The following PDZD2 variants were observed in gnomAD, a reference collection of about 807,000 sequenced individuals.
PDZD2 encodes PDZ domain containing 2.
Under a neutral mutation model 220.7 loss-of-function variants are expected in PDZD2, and 90 were observed. The ratio of observed to expected loss-of-function variants is 0.41; its 90% CI spans 0.34 to 0.49. PDZD2 has a LOEUF of 0.49. PDZD2 is among the 20% of genes least tolerant of loss of function. The pLI, the probability that PDZD2 is intolerant of heterozygous loss-of-function variation, is 0.28. For synonymous variants in PDZD2, 1,375 were observed against 1,450.5 expected, an observed-to-expected ratio of 0.95 and a Z score of 1.18; for missense variants, 3,174 against 3,608.5, an observed-to-expected ratio of 0.88 and a Z score of 3.08.
chr5:31,752,744 T>C (rs1751083128), intron 1 of PDZD2, among the ~76,000 whole-genome samples: 1 of 152,178 alleles, frequency 6.6e-6, no homozygotes. Flanking sequence ...TTTTCTTATT[T>C]ACTTGTCAAG....
At chr5:31,665,931 G>A (rs1383699947) in intron 1 of PDZD2, among the ~76,000 whole-genome samples, 3 of 152,128 alleles carry the variant, frequency 2.0e-5, no homozygotes, top group Non-Finnish European at 4.4e-5. Flanking sequence ...AAGGTGATAG[G>A]GAAGTGAGGA....
intron 2 of PDZD2, among the ~76,000 whole-genome samples, chr5:31,880,378 G>A (rs1352868698): frequency 2.0e-5 from 3 of 152,176 alleles, no homozygotes; most frequent in African/African-American, 7.2e-5. Context: ...TCCATGCCAC[G>A]TGGATTGCCC....
chr5:31,927,159 A>C (rs1052566898), intron 2 of PDZD2, among the ~76,000 whole-genome samples: 31 of 152,206 alleles, frequency 2.0e-4, no homozygotes, highest in African/African-American at 7.2e-4. Context: ...ATACCTCAGC[A>C]TCATACAATA....
At chr5:32,079,280 C>CAAAA (rs1321874066) in intron 19 of PDZD2, among the ~76,000 whole-genome samples, 2 of 121,388 alleles carry the variant, frequency 1.6e-5, no homozygotes, top group Admixed American at 8.1e-5. Flanking sequence ...AAAAAAAAAA[C>CAAAA]AAAAAAAAAA....
chr5:32,079,034 C>G (rs1430453861), intron 19 of PDZD2, among the ~76,000 whole-genome samples: 3 of 151,108 alleles, frequency 2.0e-5, no homozygotes, highest in Admixed American at 1.3e-4. Flanking sequence ...CAAGGGGGGG[C>G]CGATCACTTG....
intron 1 of PDZD2, among the ~76,000 whole-genome samples, chr5:31,708,891 T>G (rs1043658383): frequency 5.3e-5 from 8 of 151,534 alleles, no homozygotes; most frequent in Admixed American, 1.3e-4. Flanking sequence ...GTTTTTTTTT[T>G]TTTTTTAATT....
intron 2 of PDZD2, among the ~76,000 whole-genome samples, chr5:31,881,101 A>C (rs1739859489): frequency 6.6e-6 from 1 of 151,864 alleles, no homozygotes; most frequent in Non-Finnish European, 1.5e-5. Context: ...CGCCTGGCTG[A>C]AAGGTAGCTT....
intron 2 of PDZD2, among the ~76,000 whole-genome samples, chr5:31,830,402 T>G (rs1038733664): frequency 6.6e-6 from 1 of 151,334 alleles, no homozygotes; most frequent in Non-Finnish European, 1.5e-5. Flanking sequence ...GGTCTTGATC[T>G]CCTGACCTCG....
chr5:31,935,814 C>A (rs1323738057), intron 2 of PDZD2, among the ~76,000 whole-genome samples: 1 of 152,172 alleles, frequency 6.6e-6, no homozygotes, highest in Non-Finnish European at 1.5e-5. Flanking sequence ...CTTCAGTCCT[C>A]CTCCCTGGCA....
In PDZD2 at chr5:31,983,522, G is replaced by A; in HGVS notation, c.844G>A (p.Glu282Lys). ...CAAGGAGGTGGCTGGACCCCATCTA[G>A]AGAGGTCAGAAGTGGACAGAGGGAC... ...SLKEVAGPHL[E>K]RSEVDRGTEH... Residue 282 changes from glutamate to lysine, a missense_variant, in exon 3 of 25, where the codon GAG (glutamate) becomes AAG (lysine). Physicochemically the swap from Glu to Lys is moderately conservative, Grantham distance 56. Around this residue, in one of 4 missense-constraint regions of PDZD2, gnomAD observed 632 missense variants for 708.1 expected, o/e 0.89. Transcript: ENST00000438447. 1 of 1,614,208 alleles carries A rather than the reference G, an allele frequency of 6.2e-7. No individual in the cohort carries two copies. The highest frequency in any genetic ancestry group is 1.3e-5 in the African/African-American group (1 of 75,050).
intron 2 of PDZD2, among the ~76,000 whole-genome samples, chr5:31,904,568 C>T (rs956302610): frequency 6.6e-6 from 1 of 152,162 alleles, no homozygotes; most frequent in Non-Finnish European, 1.5e-5. Context: ...CGCTCTGTCG[C>T]GCAGGCTGGA....
In PDZD2 at chr5:32,000,826, A is replaced by G. The variant is rs1421196597; in HGVS notation, c.1254+555A>G. Among the ~76,000 whole-genome samples the G allele has an allele frequency of 6.6e-6, 1 of 152,068 alleles. No homozygotes were observed. The highest frequency in any genetic ancestry group is 1.5e-5 in the Non-Finnish European group (1 of 68,002). On this transcript the variant is annotated intron_variant, in intron 5 of 24. Transcript: ENST00000438447. This position sits in a 1 kb window ranked among gnomAD's most constrained non-coding sequence, Gnocchi z 4.5. The stretch of plus-strand genomic sequence containing the variant: ...TGCCTGGCCCTTTAAGAGTTTTTAT[A>G]GGTATATGTTAGGGCAGGTGTCCCC...
intron 2 of PDZD2, among the ~76,000 whole-genome samples, chr5:31,967,128 C>T (rs1748832177): frequency 6.6e-6 from 1 of 152,204 alleles, no homozygotes; most frequent in African/African-American, 2.4e-5. Flanking sequence ...TGGAAGCAGG[C>T]TCTGGCCCAG....
rs531266409 is a variant in PDZD2, at chr5:31,687,173, C to T, written c.-361+47736C>T. 3.3e-5 allele frequency among the ~76,000 whole-genome samples: 5 copies of T among 152,270 alleles called. No individual in the cohort carries two copies. In the East Asian group the frequency reaches 9.6e-4, roughly 29 times the overall value. ...TTTCAGAGTATGGGAGTGTTCATACCAAAGTCAGGTTAATCAGTAAAGGCT... is the reference window on the plus strand; with the variant it reads ...TTTCAGAGTATGGGAGTGTTCATACTAAAGTCAGGTTAATCAGTAAAGGCT... On this transcript the variant is annotated intron_variant, in intron 1 of 24. Coordinates refer to ENST00000438447, the MANE Select transcript of PDZD2 (RefSeq NM_178140.4).
At chr5:31,848,438 G>C (rs1757714851) in intron 2 of PDZD2, among the ~76,000 whole-genome samples, 1 of 152,362 alleles carries the variant, frequency 6.6e-6, no homozygotes, top group African/African-American at 2.4e-5. Context: ...AGATAGCAAT[G>C]CACCCTCCCT....
chr5:31,764,951 C>T (rs184174215), intron 1 of PDZD2, among the ~76,000 whole-genome samples: 18 of 152,230 alleles, frequency 1.2e-4, no homozygotes, highest in African/African-American at 4.1e-4. Context: ...GTGGTACATG[C>T]TTGTAATCCC....
intron 2 of PDZD2, among the ~76,000 whole-genome samples, chr5:31,979,319 C>T (rs1481066144): frequency 6.6e-6 from 1 of 152,086 alleles, no homozygotes; most frequent in Non-Finnish European, 1.5e-5. Flanking sequence ...CCTGTAATCC[C>T]AGCACTTTGG....
At chr5:31,888,766 T>A (rs1554089815) in intron 2 of PDZD2, among the ~76,000 whole-genome samples, 1 of 152,216 alleles carries the variant, frequency 6.6e-6, no homozygotes, top group Non-Finnish European at 1.5e-5. Flanking sequence ...CTTGACTGAT[T>A]TTAACTGCCT....
Position 32,001,458 on chromosome 5 carries a change from G to A in PDZD2, c.1254+1187G>A, listed in dbSNP as rs537988152. 3.5e-3 allele frequency among the ~76,000 whole-genome samples: 338 copies of A among 97,040 alleles called. 1 individual carries two copies. Among genetic ancestry groups the A allele is most frequent in the African/African-American group, 1.0e-2 (321 of 32,124 alleles). The allele number at this position is 97,040 out of a possible 152,430, so 63.7% of individuals were successfully genotyped here. ...AATGAGACAGTGAGGCAGAGCTTCC[G>A]TGGCCACTACCGTCTTGCAGAGGCC... On this transcript the variant is annotated intron_variant, in intron 5 of 24. Transcript: ENST00000438447.
Sources: gnomAD v4.1 joint callset for allele counts (sites outside exome capture counted in the v4.1 genomes callset) on GRCh38, gnomAD v4.1.1 for gene constraint, gnomAD v4.1.1 regional missense constraint, Gnocchi (gnomAD v3.1) non-coding constraint, MANE v1.5 for transcripts, NCBI Gene and HGNC (gene_info 2026-07-23, HGNC 2026-07-21) for gene names.